Variants in SPATA32 observed in about 807,000 individuals in gnomAD.
The protein encoded by SPATA32 is spermatogenesis associated 32, also known as spermatogenesis-associated protein 32.
Under a neutral mutation model 35.4 loss-of-function variants are expected in SPATA32, and 28 were observed. The ratio of observed to expected loss-of-function variants is 0.79; its 90% CI spans 0.59 to 1.09. SPATA32 has a LOEUF of 1.09. SPATA32 is among the 50% of genes least tolerant of loss of function. The pLI is 0.00. For missense variants in SPATA32, 409 were observed against 475.9 expected (o/e 0.86, Z 1.31); for synonymous variants, 168 against 196.3 (o/e 0.86, Z 1.20).
intron 4 of SPATA32, 141 bp downstream of exon 4, chr17:45,254,972 CTG>C (rs1357183581): frequency 1.3e-6 from 1 of 780,846 alleles, no homozygotes; most frequent in African/African-American, 1.8e-5. Context: ...TATGAGGTCA[CTG>C]AGGTGGAGGC....
At position 45,255,404 on chromosome 17, in the gene SPATA32, T is replaced by C. The variant is rs1266699853; in HGVS notation, c.778A>G (p.Ser260Gly). The stretch of plus-strand genomic sequence containing the variant: ...GGAGCTTTCATCATGTGTTCCAAAC[T>C]GGGCAGGTCCATCCTGCTGGAGGAG... ...MASSSRMDLPSLEHMMKAPPQ... is the reference protein window; with the variant it reads ...MASSSRMDLPGLEHMMKAPPQ... Residue 260 changes from serine to glycine, a missense_variant, in exon 4 of 5, where the codon AGT becomes GGT. Ser to Gly is a moderately conservative substitution (Grantham distance 56). Coordinates refer to ENST00000331780, the MANE Select transcript of SPATA32 (RefSeq NM_152343.3). This position sits in a 1 kb window ranked among gnomAD's most constrained non-coding sequence, Gnocchi z 5.4. The C allele has an allele frequency of 1.2e-6, 2 of 1,614,040 alleles. No homozygotes were observed. Among genetic ancestry groups the C allele is most frequent in the African/African-American group, 2.7e-5 (2 of 74,896 alleles).
chr17:45,256,514 G>A lies in SPATA32; in HGVS notation c.69-99C>T. ...CAAAGCCCTCTGCCTTGTAACAGAAGCTGGCACGATGCACCTCCCGCCGAC... is the reference window on the plus strand; with the variant it reads ...CAAAGCCCTCTGCCTTGTAACAGAAACTGGCACGATGCACCTCCCGCCGAC... On this transcript the variant is annotated intron_variant, in intron 2 of 4. Transcript: ENST00000331780. The surrounding 1 kb of genome is among the most constrained non-coding windows in gnomAD (Gnocchi z 4.7). 2 of 1,089,616 alleles carry A rather than the reference G, an allele frequency of 1.8e-6. No individual in the cohort carries two copies. Among genetic ancestry groups the A allele is most frequent in the Non-Finnish European group, 2.8e-6 (2 of 709,218 alleles). 67.5% of individuals were successfully genotyped at this position (1,089,616 alleles called of 1,614,324 possible). A position where few individuals can be genotyped will look rare whatever the true frequency, so the allele number is the denominator to read the frequency against.
Position 45,262,043 on chromosome 17 carries a change from G to A in SPATA32, c.-27C>T, listed in dbSNP as rs758391462. The stretch of plus-strand genomic sequence containing the variant: ...CAGACCGAGGCTCTGTCCTGGAGGC[G>A]GGGAGCGGGCTGGTGGATGCTGCCT... On this transcript the variant is annotated 5_prime_UTR_variant, in exon 1 of 5. Transcript: ENST00000331780. 3.1e-6 allele frequency: 4 copies of A among 1,310,956 alleles called. No homozygotes were observed. The South Asian group carries it at 9.5e-5, about 31-fold the overall frequency. The allele number at this position is 1,310,956 out of a possible 1,614,324, so 81.2% of individuals were successfully genotyped here.
Position 45,256,022 on chromosome 17 carries a change from G to GTT in SPATA32, c.159_160insAA (p.Leu54AsnfsTer57). On this transcript the variant is annotated frameshift_variant, in exon 4 of 5. Coordinates refer to ENST00000331780, the MANE Select transcript of SPATA32 (RefSeq NM_152343.3). LOFTEE classifies it high-confidence loss of function. The surrounding 1 kb of genome is among the most constrained non-coding windows in gnomAD (Gnocchi z 4.7). ...GGGTCTGGGTCTGGGTCTGGGTCCA[G>GTT]GTCCAGGTCCACTTGGAGTTGGGGC... is the stretch of plus-strand genomic sequence containing the variant. The GTT allele has an allele frequency of 6.2e-7, 1 of 1,613,324 alleles. No individual in the cohort carries two copies. The highest frequency in any genetic ancestry group is 2.2e-5 in the East Asian group (1 of 44,854).
chr17:45,258,887 C>T (rs2043980313), intron 1 of SPATA32, among the ~76,000 whole-genome samples: 1 of 152,142 alleles, frequency 6.6e-6, no homozygotes. Flanking sequence ...CTGCCTGCCT[C>T]GGCCTCCCAA....
At chr17:45,259,862 G>A (rs1179934241) in intron 1 of SPATA32, 1 of 151,980 alleles carries the variant, frequency 6.6e-6, no homozygotes, top group Non-Finnish European at 1.5e-5. Flanking sequence ...GCGTTACTGG[G>A]ATAAACCTCA....
In SPATA32 at chr17:45,255,042, C is replaced by T. The variant is rs571854177; in HGVS notation, c.1067+73G>A. 4 of 1,444,676 alleles carry T rather than the reference C, an allele frequency of 2.8e-6. No individual in the cohort carries two copies. In the South Asian group the frequency reaches 4.9e-5, roughly 18 times the overall value. 89.5% of individuals were successfully genotyped at this position (1,444,676 alleles called of 1,614,324 possible). ...TCATTCCACTGTTCCCCACCCCTAC[C>T]CAGCTGTGTGAGGACCCCTGCCACG... On this transcript the variant is annotated intron_variant, in intron 4 of 4. Transcript: ENST00000331780. The surrounding 1 kb of genome is among the most constrained non-coding windows in gnomAD (Gnocchi z 5.4).
At position 45,255,112 on chromosome 17, in the gene SPATA32, CACTCTT is replaced by C. The variant is rs2043943269; in HGVS notation, c.1064_1067+2del. ...TGGGAGCTGCGGGGCTGGCCTCACT[CACTCTT>C]CCTTGCTTCCCTGCAGCAGAGGGGA... On this transcript the variant is annotated splice_donor_variant and coding_sequence_variant, in exon 4 of 5. Transcript: ENST00000331780. LOFTEE classifies it high-confidence loss of function. This position sits in a 1 kb window ranked among gnomAD's most constrained non-coding sequence, Gnocchi z 5.4. 5 of 1,613,860 alleles carry C rather than the reference CACTCTT, an allele frequency of 3.1e-6. No homozygotes were observed. Among genetic ancestry groups the C allele is most frequent in the Non-Finnish European group, 4.2e-6 (5 of 1,179,826 alleles).
intron 1 of SPATA32, among the ~76,000 whole-genome samples, chr17:45,261,209 A>G (rs1452101067): frequency 6.7e-6 from 1 of 149,904 alleles, no homozygotes; most frequent in Non-Finnish European, 1.5e-5. Flanking sequence ...CAGCCTCCCA[A>G]GTAGCTGGGA....
intron 4 of SPATA32, 136 bp downstream of exon 4, chr17:45,254,979 G>A (rs1598224891): frequency 1.2e-6 from 1 of 813,690 alleles, no homozygotes; most frequent in South Asian, 1.7e-5. Context: ...TCACTGAGGT[G>A]GAGGCGTCAC....
At position 45,256,183 on chromosome 17, in the gene SPATA32, TC is replaced by T; in HGVS notation, c.109-111del. ...ACCCCTGCCCTGGGTCCTGCTGTCT[TC>T]CCCCCGCCCCCTAACCCCATGCCTG... is the stretch of plus-strand genomic sequence containing the variant. On this transcript the variant is annotated intron_variant, in intron 3 of 4. Coordinates refer to ENST00000331780, the MANE Select transcript of SPATA32 (RefSeq NM_152343.3). This position sits in a 1 kb window ranked among gnomAD's most constrained non-coding sequence, Gnocchi z 4.7. 3.0e-6 allele frequency: 4 copies of T among 1,349,294 alleles called. No individual in the cohort carries two copies. Among genetic ancestry groups the T allele is most frequent in the Non-Finnish European group, 4.1e-6 (4 of 967,108 alleles). The allele number at this position is 1,349,294 out of a possible 1,614,324, so 83.6% of individuals were successfully genotyped here.
rs1319191679 is a variant in SPATA32 at position 45,256,010 on chromosome 17, G to A, written c.172C>T (p.Pro58Ser). ...LQVDLDLDPDPDPDPELEIGQ... is the reference protein window; with the variant it reads ...LQVDLDLDPDSDPDPELEIGQ... ...ATCTCCAGTTCTGGGTCTGGGTCTG[G>A]GTCTGGGTCCAGGTCCAGGTCCACT... Residue 58 changes from proline to serine, a missense_variant, in exon 4 of 5, where the codon CCA (proline) becomes TCA (serine). Coordinates refer to ENST00000331780, the MANE Select transcript of SPATA32 (RefSeq NM_152343.3). This position sits in a 1 kb window ranked among gnomAD's most constrained non-coding sequence, Gnocchi z 4.7. 6.2e-7 allele frequency: 1 copy of A among 1,613,742 alleles called. No individual in the cohort carries two copies. Among genetic ancestry groups the A allele is most frequent in the Non-Finnish European group, 8.5e-7 (1 of 1,179,960 alleles).
chr17:45,257,171 A>G lies in SPATA32; in HGVS notation c.50T>C (p.Val17Ala), dbSNP rs768615563. ...HGFPCCGKGS[V>A]EVAEMRDDLS... ...TTCTCACCGCATCTCTGCAACCTCC[A>G]CTGACCCTTTGCCGCAGCATGGAAA... The change falls in exon 2 of 5, where the codon GTG (valine) becomes GCG (alanine). Residue 17 changes from valine (V) to alanine (A), a missense_variant. Physicochemically the swap from Val to Ala is moderately conservative, Grantham distance 64. Transcript: ENST00000331780. The G allele has an allele frequency of 5.3e-5, 86 of 1,612,594 alleles. No homozygotes were observed. Among genetic ancestry groups the G allele is most frequent in the Admixed American group, 1.7e-4 (10 of 59,948 alleles).
Position 45,256,267 on chromosome 17 carries a change from C to T in SPATA32, c.108+109G>A. On this transcript the variant is annotated intron_variant, in intron 3 of 4. Transcript: ENST00000331780. This position sits in a 1 kb window ranked among gnomAD's most constrained non-coding sequence, Gnocchi z 4.7. ...GTGTGTGTGGGTGTACCCACACCGGCCTGGTACTAGGGTCCCAGGATTGTC... is the reference window on the plus strand; with the variant it reads ...GTGTGTGTGGGTGTACCCACACCGGTCTGGTACTAGGGTCCCAGGATTGTC... The T allele has an allele frequency of 7.7e-7, 1 of 1,295,620 alleles. No homozygotes were observed. The highest frequency in any genetic ancestry group is 1.4e-5 in the African/African-American group (1 of 69,110). 80.3% of individuals were successfully genotyped at this position (1,295,620 alleles called of 1,614,324 possible).
chr17:45,261,786 G>T (rs1420316526), intron 1 of SPATA32: 2 of 425,624 alleles, frequency 4.7e-6, no homozygotes, highest in Non-Finnish European at 8.0e-6. Context: ...AGAGCACATG[G>T]GTGTGCACCG....
intron 1 of SPATA32, among the ~76,000 whole-genome samples, chr17:45,258,900 T>G (rs969796632): frequency 6.6e-6 from 1 of 152,204 alleles, no homozygotes; most frequent in African/African-American, 2.4e-5. Context: ...CCTCCCAAAG[T>G]GCTGGGATTA....
rs748027498 is a variant in SPATA32 at position 45,255,484 on chromosome 17, G to A, written c.698C>T (p.Pro233Leu). The change falls in exon 4 of 5, where the codon CCG becomes CTG. Residue 233 changes from proline (P) to leucine (L), a missense_variant. By Grantham distance (98) the Pro-to-Leu change is moderately conservative. Transcript: ENST00000331780. This position sits in a 1 kb window ranked among gnomAD's most constrained non-coding sequence, Gnocchi z 5.4. ...TAGCTCTGTCAGGTCAATGGGTGGC[G>A]GGAGATCTGAGGACAGGAGGGGGCT... ...APSPLLSSDLPPPIDLTELIT... is the reference protein window; with the variant it reads ...APSPLLSSDLLPPIDLTELIT... 9.3e-6 allele frequency: 15 copies of A among 1,613,984 alleles called. No individual in the cohort carries two copies. The highest frequency in any genetic ancestry group is 3.3e-5 in the Admixed American group (2 of 59,996).
intron 1 of SPATA32, 34 bp downstream of exon 1, chr17:45,261,970 C>A: frequency 7.6e-7 from 1 of 1,312,278 alleles, no homozygotes. Context: ...CCGCCTGCCC[C>A]AACCCTCGCC....
intron 1 of SPATA32, chr17:45,260,965 T>C (rs1352723516): frequency 6.6e-6 from 1 of 152,250 alleles, no homozygotes; most frequent in Non-Finnish European, 1.5e-5. Flanking sequence ...CTGGAAAGCC[T>C]TCTTCTGGCA....
Sources: gnomAD v4.1 joint callset for allele counts (sites outside exome capture counted in the v4.1 genomes callset) on GRCh38, gnomAD v4.1.1 for gene constraint, Gnocchi (gnomAD v3.1) non-coding constraint, MANE v1.5 for transcripts, NCBI Gene and HGNC (gene_info 2026-07-23, HGNC 2026-07-21) for gene names.